Variants in MARCHF6 observed in about 807,000 individuals in gnomAD.
MARCHF6 encodes the protein E3 ubiquitin-protein ligase MARCHF6.
MARCHF6 carries 31 observed loss-of-function variants against 133.7 expected under a neutral mutation model. That is an observed-to-expected ratio of 0.23 (90% CI 0.17 to 0.31). MARCHF6 has a LOEUF of 0.31. Among genes scored for constraint, MARCHF6 ranks in the 10% least tolerant of loss-of-function variants. MARCHF6 has a pLI of 1.00. For missense variants in MARCHF6, 723 were observed against 1,121.6 expected (o/e 0.64, Z 5.08); for synonymous variants, 395 against 402.5 (o/e 0.98, Z 0.22).
rs547251892 is a variant in MARCHF6, at chr5:10,438,109, A to G, written c.*4425A>G. 3.3e-5 allele frequency: 5 copies of G among 152,248 alleles called. No homozygotes were observed. The highest frequency in any genetic ancestry group is 5.9e-5 in the Non-Finnish European group (4 of 68,032). The allele number at this position is 152,248 out of a possible 1,614,324, so 9.4% of individuals were successfully genotyped here. A position where few individuals can be genotyped will look rare whatever the true frequency, so the allele number is the denominator to read the frequency against. On this transcript the variant is annotated 3_prime_UTR_variant, in exon 26 of 26. Coordinates refer to ENST00000274140, the MANE Select transcript of MARCHF6 (RefSeq NM_005885.4). ...AGAGTAAGGCCCCACATTTTGTGCA[A>G]TAGCAAGCTACTGCCCACTTCTGCA...
At chr5:10,371,528 G>A (rs543034250) in intron 1 of MARCHF6, among the ~76,000 whole-genome samples, 1 of 152,134 alleles carries the variant, frequency 6.6e-6, no homozygotes, top group South Asian at 2.1e-4. Flanking sequence ...AGCTTGTGTG[G>A]GGGAACTCCT....
At chr5:10,399,051 T>C (rs1738358293) in intron 10 of MARCHF6, among the ~76,000 whole-genome samples, 2 of 152,206 alleles carry the variant, frequency 1.3e-5, no homozygotes, top group African/African-American at 4.8e-5. Flanking sequence ...AAATTGTCCT[T>C]AATTTCAGGA....
At chr5:10,364,523 A>T (rs1487471760) in intron 1 of MARCHF6, among the ~76,000 whole-genome samples, 4 of 152,154 alleles carry the variant, frequency 2.6e-5, no homozygotes, top group Non-Finnish European at 4.4e-5. Flanking sequence ...TAGCCAAAAG[A>T]AAAGAAAAGA....
intron 1 of MARCHF6, among the ~76,000 whole-genome samples, chr5:10,355,960 T>C (rs929793955): frequency 1.2e-4 from 19 of 152,248 alleles, no homozygotes; most frequent in African/African-American, 4.6e-4. Context: ...CTTTATTTTG[T>C]TTTATGAAAT....
intron 4 of MARCHF6, among the ~76,000 whole-genome samples, chr5:10,384,026 C>G (rs1158741402): frequency 6.6e-6 from 1 of 152,042 alleles, no homozygotes; most frequent in South Asian, 2.1e-4. Flanking sequence ...TTATTAATGA[C>G]AAAAGTGCCA....
At chr5:10,405,431 C>A in intron 15 of MARCHF6, 127 bp from the exon 16 acceptor site, 1 of 703,688 alleles carries the variant, frequency 1.4e-6, no homozygotes, top group Non-Finnish European at 2.2e-6. Context: ...ATACCATGTA[C>A]ATTTTCTGGG....
chr5:10,405,520 A>C (rs947406024), intron 15 of MARCHF6, 38 bp from the exon 16 acceptor site: 1 of 1,539,748 alleles, frequency 6.5e-7, no homozygotes, highest in Non-Finnish European at 8.8e-7. Flanking sequence ...ATTTGAAGAC[A>C]TTGGTGAATA....
At chr5:10,392,815 C>T (rs1232936175) in intron 7 of MARCHF6, among the ~76,000 whole-genome samples, 1 of 151,922 alleles carries the variant, frequency 6.6e-6, no homozygotes, top group Non-Finnish European at 1.5e-5. Flanking sequence ...ACTCACTTCC[C>T]CTCCTCCCTC....
chr5:10,356,141 A>G (rs965341426), intron 1 of MARCHF6, among the ~76,000 whole-genome samples: 49 of 152,192 alleles, frequency 3.2e-4, no homozygotes, highest in Non-Finnish European at 6.6e-4. Flanking sequence ...AAAGATGCCA[A>G]AAAACTAATA....
intron 4 of MARCHF6, among the ~76,000 whole-genome samples, chr5:10,383,958 A>G (rs1737314980): frequency 6.6e-6 from 1 of 152,224 alleles, no homozygotes; most frequent in Non-Finnish European, 1.5e-5. Flanking sequence ...ACTGTGCATT[A>G]AAAATGTGGA....
intron 1 of MARCHF6, among the ~76,000 whole-genome samples, chr5:10,360,143 T>TG (rs1191231053): frequency 7.6e-5 from 7 of 91,856 alleles, no homozygotes; most frequent in Non-Finnish European, 1.2e-4. Context: ...TATGTGTGTG[T>TG]GTTTTTTTTT....
At chr5:10,359,937 C>T (rs564453662) in intron 1 of MARCHF6, among the ~76,000 whole-genome samples, 7 of 151,502 alleles carry the variant, frequency 4.6e-5, no homozygotes, top group Non-Finnish European at 7.4e-5. Flanking sequence ...ACGTGGGAGG[C>T]GGAGCTTGCA....
At chr5:10,382,128 T>A (rs2126705482) in intron 4 of MARCHF6, among the ~76,000 whole-genome samples, 185 bp downstream of exon 4, 1 of 152,316 alleles carries the variant, frequency 6.6e-6, no homozygotes, top group South Asian at 2.1e-4. Context: ...AACAGGTCAG[T>A]TTTTTGAGTG....
intron 7 of MARCHF6, 111 bp from the exon 8 acceptor site, chr5:10,393,971 T>C (rs1240626901): frequency 4.0e-6 from 2 of 502,994 alleles, no homozygotes; most frequent in Non-Finnish European, 6.7e-6. Context: ...GCTTAGCTTC[T>C]CAACAACAGC....
intron 19 of MARCHF6, 33 bp downstream of exon 19, chr5:10,411,570 G>A (rs748029792): frequency 2.0e-6 from 3 of 1,528,328 alleles, no homozygotes. Context: ...CACATATAGA[G>A]GTTTTTTTGG....
At chr5:10,365,640 C>A (rs1166553386) in intron 1 of MARCHF6, among the ~76,000 whole-genome samples, 1 of 152,142 alleles carries the variant, frequency 6.6e-6, no homozygotes, top group Non-Finnish European at 1.5e-5. Context: ...TTCCCAAACC[C>A]ACATAGTTTG....
At chr5:10,373,827 A>G (rs1291600744) in intron 1 of MARCHF6, among the ~76,000 whole-genome samples, 1 of 152,206 alleles carries the variant, frequency 6.6e-6, no homozygotes, top group Non-Finnish European at 1.5e-5. Flanking sequence ...GTAGTAGCAC[A>G]TGCCAGTTTC....
In MARCHF6 at chr5:10,397,323, A is replaced by G; in HGVS notation, c.892A>G (p.Thr298Ala). Reference sequence around the variant, plus strand: ...TGTCTTCTGGGTGGTATCTTTAAATACACTGTTCATTCTTGTTTTTGGTAA... The same window carrying G: ...TGTCTTCTGGGTGGTATCTTTAAATGCACTGTTCATTCTTGTTTTTGGTAA... ...EHVFWVVSLNTLFILVFAFCP... is the reference protein window; with the variant it reads ...EHVFWVVSLNALFILVFAFCP... Residue 298 changes from threonine (T) to alanine (A), a missense_variant, in exon 10 of 26, where the codon ACA becomes GCA. Thr to Ala is a moderately conservative substitution (Grantham distance 58, BLOSUM62 0). Around this residue, in one of 4 missense-constraint regions of MARCHF6, gnomAD observed 43 missense variants for 97.9 expected, o/e 0.44. Coordinates refer to ENST00000274140, the MANE Select transcript of MARCHF6 (RefSeq NM_005885.4). 6.3e-7 allele frequency: 1 copy of G among 1,582,052 alleles called. No homozygotes were observed. The highest frequency in any genetic ancestry group is 1.4e-5 in the African/African-American group (1 of 72,596).
At chr5:10,424,872 T>C (rs1166741448) in intron 23 of MARCHF6, among the ~76,000 whole-genome samples, 1 of 152,218 alleles carries the variant, frequency 6.6e-6, no homozygotes, top group East Asian at 1.9e-4. Context: ...TGGGAATACC[T>C]TGGAAAAGGT....
Sources: gnomAD v4.1 joint callset for allele counts (sites outside exome capture counted in the v4.1 genomes callset) on GRCh38, gnomAD v4.1.1 for gene constraint, gnomAD v4.1.1 regional missense constraint, MANE v1.5 for transcripts, NCBI Gene and HGNC (gene_info 2026-07-23, HGNC 2026-07-21) for gene names.